Variants in RFTN1 observed in about 807,000 individuals in gnomAD.
RFTN1 encodes the protein raftlin, lipid raft linker 1.
Under a neutral mutation model 46.5 loss-of-function variants are expected in RFTN1, and 26 were observed. The observed-to-expected ratio is 0.56, with a 90% CI of 0.41 to 0.78. The LOEUF (loss-of-function observed/expected upper bound fraction) is 0.78, where lower values mean the gene tolerates loss of function less well. Among genes scored for constraint, RFTN1 ranks in the 30% least tolerant of loss-of-function variants. The pLI, the probability that RFTN1 is intolerant of heterozygous loss-of-function variation, is 0.00. For synonymous variants in RFTN1, 261 were observed against 284.2 expected (o/e 0.92, Z 0.82); for missense variants, 693 against 718.7 (o/e 0.96, Z 0.41).
At chr3:16,357,852 G>A (rs1431926062) in intron 7 of RFTN1, 80 bp downstream of exon 7, 1 of 872,380 alleles carries the variant, frequency 1.1e-6, no homozygotes, top group Non-Finnish European at 1.9e-6. Context: ...CTGAGCCACA[G>A]CCCCACGGTC....
intron 4 of RFTN1, among the ~76,000 whole-genome samples, chr3:16,392,279 C>T (rs913350177): frequency 1.3e-5 from 2 of 152,132 alleles, no homozygotes; most frequent in Admixed American, 6.5e-5. Flanking sequence ...AAAATGAAAC[C>T]TTCCAGTGTC....
rs777314363 is a variant in RFTN1 at position 16,352,228 on chromosome 3, T to C, written c.1146+5704A>G. Reference sequence around the variant, plus strand: ...TGGCACCAAATTTCACGATAAGCACTGATATGCTAGAACATATTCCAGGGA... The same window carrying C: ...TGGCACCAAATTTCACGATAAGCACCGATATGCTAGAACATATTCCAGGGA... On this transcript the variant is annotated intron_variant, in intron 7 of 9. Coordinates refer to ENST00000334133, the MANE Select transcript of RFTN1 (RefSeq NM_015150.2). The surrounding 1 kb of genome is among the most constrained non-coding windows in gnomAD (Gnocchi z 4.6). 2.0e-4 allele frequency among the ~76,000 whole-genome samples: 30 copies of C among 152,340 alleles called. No individual in the cohort carries two copies. The highest frequency in any genetic ancestry group is 6.5e-4 in the Admixed American group (10 of 15,302).
chr3:16,351,343 G>A lies in RFTN1; in HGVS notation c.1146+6589C>T, dbSNP rs943798121. On this transcript the variant is annotated intron_variant, in intron 7 of 9. Transcript: ENST00000334133. The surrounding 1 kb of genome is among the most constrained non-coding windows in gnomAD (Gnocchi z 5.4). The stretch of plus-strand genomic sequence containing the variant: ...GAAGCCTTCAGGGAAGCCAAGGCTG[G>A]AAGATCCCCAGAATGAAGGATGATA... Among the ~76,000 whole-genome samples the A allele has an allele frequency of 6.6e-6, 1 of 152,224 alleles. No homozygotes were observed. Among genetic ancestry groups the A allele is most frequent in the African/African-American group, 2.4e-5 (1 of 41,456 alleles).
Position 16,457,957 on chromosome 3 carries a change from C to T in RFTN1, c.146-23920G>A, listed in dbSNP as rs2075940464. ...GGTCCTTTTTGCCTTCTGCCTTCCA[C>T]CATGTGAGGACACAGCATTCCACCC... On this transcript the variant is annotated intron_variant, in intron 2 of 9. Coordinates refer to ENST00000334133, the MANE Select transcript of RFTN1 (RefSeq NM_015150.2). The surrounding 1 kb of genome is among the most constrained non-coding windows in gnomAD (Gnocchi z 4.2). 6.6e-6 allele frequency among the ~76,000 whole-genome samples: 1 copy of T among 152,124 alleles called. No individual in the cohort carries two copies. Among genetic ancestry groups the T allele is most frequent in the African/African-American group, 2.4e-5 (1 of 41,410 alleles).
At chr3:16,470,055 A>G (rs1047743990) in intron 2 of RFTN1, among the ~76,000 whole-genome samples, 1 of 152,210 alleles carries the variant, frequency 6.6e-6, no homozygotes, top group East Asian at 1.9e-4. Flanking sequence ...AGGGGGGTCC[A>G]GGCTACAGAC....
intron 2 of RFTN1, among the ~76,000 whole-genome samples, chr3:16,471,572 A>G (rs1028321584): frequency 6.6e-6 from 1 of 152,212 alleles, no homozygotes; most frequent in Non-Finnish European, 1.5e-5. Context: ...CTTGCCCAGC[A>G]TTGTCCAGCT....
rs2075662576 is a variant in RFTN1 at position 16,443,089 on chromosome 3, A to C, written c.146-9052T>G. On this transcript the variant is annotated intron_variant, in intron 2 of 9. Coordinates refer to ENST00000334133, the MANE Select transcript of RFTN1 (RefSeq NM_015150.2). This position sits in a 1 kb window ranked among gnomAD's most constrained non-coding sequence, Gnocchi z 5.5. Reference sequence around the variant, plus strand: ...TTTCATTTCCTTTGGAGAAATACCCAGTAATGGGATTGCTAGATCATAGGA... The same window carrying C: ...TTTCATTTCCTTTGGAGAAATACCCCGTAATGGGATTGCTAGATCATAGGA... Among the ~76,000 whole-genome samples, 1 of 152,238 alleles carries C rather than the reference A, an allele frequency of 6.6e-6. No individual in the cohort carries two copies. Among genetic ancestry groups the C allele is most frequent in the Admixed American group, 6.5e-5 (1 of 15,288 alleles).
At position 16,504,643 on chromosome 3, in the gene RFTN1, A is replaced by C. The variant is rs1320119579; in HGVS notation, c.-9+8799T>G. Among the ~76,000 whole-genome samples, 4 of 152,182 alleles carry C rather than the reference A, an allele frequency of 2.6e-5. No homozygotes were observed. ...ACATAGTATTATGTATGCTCAAAAAAGTTACTTACATGCTATTGTCTCTCC... is the reference window on the plus strand; with the variant it reads ...ACATAGTATTATGTATGCTCAAAAACGTTACTTACATGCTATTGTCTCTCC... On this transcript the variant is annotated intron_variant, in intron 1 of 9. Coordinates refer to ENST00000334133, the MANE Select transcript of RFTN1 (RefSeq NM_015150.2). This position sits in a 1 kb window ranked among gnomAD's most constrained non-coding sequence, Gnocchi z 4.4.
chr3:16,405,546 T>C (rs1311787252), intron 4 of RFTN1, among the ~76,000 whole-genome samples: 1 of 152,170 alleles, frequency 6.6e-6, no homozygotes, highest in African/African-American at 2.4e-5. Flanking sequence ...TGAAAAGTCA[T>C]GATGGAGAGA....
intron 5 of RFTN1, among the ~76,000 whole-genome samples, chr3:16,372,748 G>T (rs1265936928): frequency 6.6e-6 from 1 of 152,222 alleles, no homozygotes; most frequent in African/African-American, 2.4e-5. Flanking sequence ...GAGGAAGACA[G>T]AGACCCTCAG....
intron 7 of RFTN1, among the ~76,000 whole-genome samples, chr3:16,343,709 A>G (rs1045929173): frequency 5.3e-5 from 8 of 152,226 alleles, no homozygotes; most frequent in Non-Finnish European, 1.2e-4. Context: ...TATTTATTCA[A>G]TCAATGTTTG....
chr3:16,400,167 C>T lies in RFTN1; in HGVS notation c.441+9208G>A, dbSNP rs967413289. Among the ~76,000 whole-genome samples, 1 of 152,190 alleles carries T rather than the reference C, an allele frequency of 6.6e-6. No individual in the cohort carries two copies. The highest frequency in any genetic ancestry group is 1.5e-5 in the Non-Finnish European group (1 of 68,026). On this transcript the variant is annotated intron_variant, in intron 4 of 9. Coordinates refer to ENST00000334133, the MANE Select transcript of RFTN1 (RefSeq NM_015150.2). This position sits in a 1 kb window ranked among gnomAD's most constrained non-coding sequence, Gnocchi z 4.5. ...TGGCCTGCAGGGCTGTATGGGGACC[C>T]GACTCACTCTCCAGCCTCACTCCAC... is the stretch of plus-strand genomic sequence containing the variant.
chr3:16,471,250 A>G (rs6766601), intron 2 of RFTN1, among the ~76,000 whole-genome samples: 23 of 152,346 alleles, frequency 1.5e-4, no homozygotes, highest in African/African-American at 5.3e-4. Flanking sequence ...TTTAAAACGC[A>G]AAATGGGCCA....
At chr3:16,359,751 G>A (rs952155316) in intron 6 of RFTN1, among the ~76,000 whole-genome samples, 13 of 152,240 alleles carry the variant, frequency 8.5e-5, no homozygotes, top group African/African-American at 1.9e-4. Flanking sequence ...CAAACAAAGC[G>A]CATTTCAATG....
chr3:16,408,136 T>C (rs2074903516), intron 4 of RFTN1, among the ~76,000 whole-genome samples: 1 of 152,148 alleles, frequency 6.6e-6, no homozygotes, highest in Admixed American at 6.5e-5. Flanking sequence ...CTGACGTTCT[T>C]TTGATTCCCC....
chr3:16,492,484 G>C (rs2076552710), intron 2 of RFTN1, among the ~76,000 whole-genome samples: 1 of 152,198 alleles, frequency 6.6e-6, no homozygotes, highest in South Asian at 2.1e-4. Flanking sequence ...GGACACTGCA[G>C]GACTGGGAAG....
At position 16,489,750 on chromosome 3, in the gene RFTN1, AT is replaced by A. The variant is rs2076509761; in HGVS notation, c.145+3974del. Among the ~76,000 whole-genome samples, 1 of 152,122 alleles carries A rather than the reference AT, an allele frequency of 6.6e-6. No homozygotes were observed. The highest frequency in any genetic ancestry group is 6.5e-5 in the Admixed American group (1 of 15,270). ...TTGTGAAACCCCATCTCTACTAAAAATACCAAAATTAGCCGTGTGTAGTGGT... is the reference window on the plus strand; with the variant it reads ...TTGTGAAACCCCATCTCTACTAAAAAACCAAAATTAGCCGTGTGTAGTGGT... On this transcript the variant is annotated intron_variant, in intron 2 of 9. Coordinates refer to ENST00000334133, the MANE Select transcript of RFTN1 (RefSeq NM_015150.2). This position sits in a 1 kb window ranked among gnomAD's most constrained non-coding sequence, Gnocchi z 4.0.
intron 1 of RFTN1, among the ~76,000 whole-genome samples, chr3:16,496,596 A>T (rs551491151): frequency 1.3e-5 from 2 of 152,182 alleles, no homozygotes; most frequent in Non-Finnish European, 2.9e-5. Context: ...GTTGGCAAGG[A>T]TAAGAAGCAA....
chr3:16,350,063 A>G (rs149387383), intron 7 of RFTN1: 275 of 152,354 alleles, frequency 1.8e-3, no homozygotes, highest in African/African-American at 6.1e-3. Context: ...TCATAGCAAC[A>G]TCTAGATTGG....
Sources: gnomAD v4.1 joint callset for allele counts (sites outside exome capture counted in the v4.1 genomes callset) on GRCh38, gnomAD v4.1.1 for gene constraint, Gnocchi (gnomAD v3.1) non-coding constraint, MANE v1.5 for transcripts, NCBI Gene and HGNC (gene_info 2026-07-23, HGNC 2026-07-21) for gene names.